ROR1: variants seen among roughly 807,000 people sequenced by gnomAD.
The protein encoded by ROR1 is ROR family WNT receptor 1, also known as inactive tyrosine-protein kinase transmembrane receptor ROR1.
A neutral mutation model predicts 78.8 loss-of-function variants in ROR1; 19 were observed. The ratio of observed to expected loss-of-function variants is 0.24; its 90% CI spans 0.17 to 0.35. The LOEUF (loss-of-function observed/expected upper bound fraction) is 0.35, where lower values mean the gene tolerates loss of function less well. Ranked by LOEUF, ROR1 falls within the 10% of genes least tolerant of loss-of-function variation. The probability of loss-of-function intolerance (pLI) is 1.00; values close to 1 mark genes in which losing one functional copy is unlikely to be tolerated. For missense variants in ROR1, 917 were observed against 1,177.8 expected (o/e 0.78, Z 3.24); for synonymous variants, 386 against 433.6 (o/e 0.89, Z 1.36).
Position 63,774,683 on chromosome 1 carries a change from G to T in ROR1, c.91+175G>T, listed in dbSNP as rs1423467481. ...AGGCCAGGGTTTGCCCCGGAGCCCC[G>T]CCAGGCCAGGGTTTGCCCCGGAGCC... On this transcript the variant is annotated intron_variant, in intron 1 of 8. Transcript: ENST00000371079. This position sits in a 1 kb window ranked among gnomAD's most constrained non-coding sequence, Gnocchi z 5.7. 6.6e-6 allele frequency among the ~76,000 whole-genome samples: 1 copy of T among 150,896 alleles called. No individual in the cohort carries two copies. The highest frequency in any genetic ancestry group is 1.5e-5 in the Non-Finnish European group (1 of 67,676).
intron 1 of ROR1, among the ~76,000 whole-genome samples, chr1:63,979,789 A>T (rs1175937797): frequency 6.6e-6 from 1 of 152,220 alleles, no homozygotes; most frequent in Non-Finnish European, 1.5e-5. Context: ...GAAATGATGG[A>T]GTAGATATGC....
chr1:64,078,249 G>A (rs894649919), intron 4 of ROR1, among the ~76,000 whole-genome samples: 1 of 152,176 alleles, frequency 6.6e-6, no homozygotes, highest in African/African-American at 2.4e-5. Context: ...AAAGAAAATG[G>A]CATGTGAGGG....
At chr1:63,792,834 G>T (rs1339387261) in intron 1 of ROR1, among the ~76,000 whole-genome samples, 3 of 152,198 alleles carry the variant, frequency 2.0e-5, no homozygotes, top group Non-Finnish European at 2.9e-5. Flanking sequence ...ATGTCTGTGG[G>T]AGTGAATTAA....
intron 1 of ROR1, among the ~76,000 whole-genome samples, chr1:63,784,498 T>C (rs1282563660): frequency 6.6e-6 from 1 of 152,252 alleles, no homozygotes; most frequent in African/African-American, 2.4e-5. Flanking sequence ...CATTTGTAGA[T>C]GGGACCTGGC....
intron 1 of ROR1, among the ~76,000 whole-genome samples, chr1:63,840,438 C>T (rs1418160723): frequency 6.6e-6 from 1 of 151,828 alleles, no homozygotes; most frequent in Admixed American, 6.6e-5. Context: ...CGCCACCACG[C>T]CTAGCTAATT....
At chr1:63,935,911 T>A (rs1429795797) in intron 1 of ROR1, among the ~76,000 whole-genome samples, 1 of 152,198 alleles carries the variant, frequency 6.6e-6, no homozygotes, top group Non-Finnish European at 1.5e-5. Flanking sequence ...ATTTATGAGG[T>A]AGCTGTGGTT....
At chr1:63,898,737 G>A (rs950917931) in intron 1 of ROR1, among the ~76,000 whole-genome samples, 1 of 152,082 alleles carries the variant, frequency 6.6e-6, no homozygotes, top group African/African-American at 2.4e-5. Context: ...GAGAACACAG[G>A]AGGTTCCTGA....
intron 4 of ROR1, among the ~76,000 whole-genome samples, chr1:64,086,625 C>T (rs567584243): frequency 1.3e-5 from 2 of 152,236 alleles, no homozygotes; most frequent in East Asian, 3.9e-4. Flanking sequence ...TGGTGTGTTA[C>T]CTTTGGCTCC....
chr1:64,100,493 A>G (rs1278643297), intron 4 of ROR1, among the ~76,000 whole-genome samples: 1 of 152,176 alleles, frequency 6.6e-6, no homozygotes, highest in Non-Finnish European at 1.5e-5. Context: ...GTCTCAAGAA[A>G]TAAGCAAACA....
intron 7 of ROR1, among the ~76,000 whole-genome samples, chr1:64,156,693 G>A (rs34903612): frequency 0.014 from 1,713 of 125,606 alleles, 20 homozygotes; most frequent in South Asian, 0.05. Context: ...GTGACAGAGC[G>A]AGACTCCGTC....
At chr1:63,823,445 CTTT>C (rs11374055) in intron 1 of ROR1, among the ~76,000 whole-genome samples, 6 of 106,156 alleles carry the variant, frequency 5.7e-5, no homozygotes, top group African/African-American at 2.3e-4. Flanking sequence ...ACAGACATTA[CTTT>C]TTTTTTTTTT....
intron 1 of ROR1, among the ~76,000 whole-genome samples, chr1:63,988,960 TC>T (rs1261697161): frequency 6.6e-6 from 1 of 152,186 alleles, no homozygotes; most frequent in Non-Finnish European, 1.5e-5. Context: ...CATATTTGAG[TC>T]CCTACTTTCA....
At chr1:63,860,590 C>CACACACACACACACAT (rs1553138068) in intron 1 of ROR1, among the ~76,000 whole-genome samples, 32 of 148,722 alleles carry the variant, frequency 2.2e-4, no homozygotes, top group African/African-American at 7.7e-4. Context: ...CACACACACA[C>CACACACACACACACAT]ACACACACAC....
intron 1 of ROR1, among the ~76,000 whole-genome samples, chr1:63,779,421 C>G (rs543144441): frequency 6.6e-6 from 1 of 152,110 alleles, no homozygotes; most frequent in Admixed American, 6.5e-5. Flanking sequence ...AACAGAAGGG[C>G]CTTAGCCTGG....
At chr1:64,065,022 G>A (rs1557634628) in intron 4 of ROR1, among the ~76,000 whole-genome samples, 1 of 152,072 alleles carries the variant, frequency 6.6e-6, no homozygotes, top group African/African-American at 2.4e-5. Context: ...TTTTAATTGT[G>A]TAGAGGGGTG....
intron 4 of ROR1, among the ~76,000 whole-genome samples, chr1:64,117,929 C>T (rs949694818): frequency 2.6e-5 from 4 of 152,228 alleles, no homozygotes; most frequent in African/African-American, 9.6e-5. Context: ...GACTGGGTAC[C>T]TTGGCCCATG....
chr1:64,158,720 A>C (rs4565754), intron 7 of ROR1, among the ~76,000 whole-genome samples: 3 of 152,028 alleles, frequency 2.0e-5, no homozygotes, highest in Non-Finnish European at 4.4e-5. Flanking sequence ...ACATCAGAGG[A>C]GGACCCACAC....
At chr1:63,806,077 G>T (rs552667933) in intron 1 of ROR1, among the ~76,000 whole-genome samples, 2 of 152,180 alleles carry the variant, frequency 1.3e-5, no homozygotes, top group South Asian at 2.1e-4. Flanking sequence ...CCCTTTTGGA[G>T]ATTTATAATG....
chr1:63,863,056 G>C (rs976183807), intron 1 of ROR1, among the ~76,000 whole-genome samples: 2 of 152,160 alleles, frequency 1.3e-5, no homozygotes, highest in Non-Finnish European at 2.9e-5. Flanking sequence ...CACAAAGCAA[G>C]TTAGGGTAGA....
Sources: gnomAD v4.1 joint callset for allele counts (sites outside exome capture counted in the v4.1 genomes callset) on GRCh38, gnomAD v4.1.1 for gene constraint, Gnocchi (gnomAD v3.1) non-coding constraint, MANE v1.5 for transcripts, NCBI Gene and HGNC (gene_info 2026-07-23, HGNC 2026-07-21) for gene names.